The following ADGRA2 variants were observed in gnomAD, a reference collection of about 807,000 sequenced individuals.
ADGRA2 encodes G-protein coupled receptor 124.
A neutral mutation model predicts 98.7 loss-of-function variants in ADGRA2; 61 were observed. The ratio of observed to expected loss-of-function variants is 0.62; its 90% confidence interval spans 0.50 to 0.76. The LOEUF is 0.76. Among genes scored for constraint, ADGRA2 ranks in the 30% least tolerant of loss-of-function variants. The probability of loss-of-function intolerance (pLI) is 0.00; values close to 1 mark genes in which losing one functional copy is unlikely to be tolerated. For synonymous variants in ADGRA2, 858 were observed against 831.5 expected (o/e 1.03, Z -0.55); for missense variants, 1,712 against 1,860.0 (o/e 0.92, Z 1.46).
chr8:37,814,861 A>T lies in ADGRA2; in HGVS notation c.267-35A>T, dbSNP rs137900620. 4.7e-4 allele frequency: 721 copies of T among 1,530,932 alleles called. 5 individuals carry two copies. In the African/African-American group the frequency reaches 9.2e-3, roughly 19 times the overall value. 94.8% of individuals were successfully genotyped at this position (1,530,932 alleles called of 1,614,324 possible). ...AAGCGGATGCCCAGCACATAACAGCACCTTGTCCTGTCTGTGTCCTCTCTG... is the reference window on the plus strand; with the variant it reads ...AAGCGGATGCCCAGCACATAACAGCTCCTTGTCCTGTCTGTGTCCTCTCTG... On this transcript the variant is annotated intron_variant, in intron 1 of 18. Coordinates refer to ENST00000412232, the MANE Select transcript of ADGRA2 (RefSeq NM_032777.10). This position sits in a 1 kb window ranked among gnomAD's most constrained non-coding sequence, Gnocchi z 4.3.
chr8:37,835,115 C>A, intron 11 of ADGRA2, 59 bp from the exon 12 acceptor site: 1 of 1,232,422 alleles, frequency 8.1e-7, no homozygotes, highest in Non-Finnish European at 1.2e-6. Flanking sequence ...GAGAGATGTG[C>A]AGTCCCAAGC....
chr8:37,801,568 G>T (rs549895634), intron 1 of ADGRA2, among the ~76,000 whole-genome samples: 116 of 152,330 alleles, frequency 7.6e-4, no homozygotes, highest in Admixed American at 1.4e-3. Flanking sequence ...ACTGTTTGTA[G>T]ATAACTCCAG....
In ADGRA2 at chr8:37,834,169, G is replaced by T; in HGVS notation, c.1608+41G>T. 6.4e-7 allele frequency: 1 copy of T among 1,552,428 alleles called. No homozygotes were observed. Among genetic ancestry groups the T allele is most frequent in the Non-Finnish European group, 8.8e-7 (1 of 1,141,786 alleles). On this transcript the variant is annotated intron_variant, in intron 11 of 18. Transcript: ENST00000412232. This position sits in a 1 kb window ranked among gnomAD's most constrained non-coding sequence, Gnocchi z 4.2. ...AGAGGGGGTGGCCCTGGCATGCAGA[G>T]GAGGGAGGCGCTCCCTCTCAGGCGT...
In ADGRA2 at chr8:37,844,410, G is replaced by A. The variant is rs1805909184; in HGVS notation, c.*2055G>A. On this transcript the variant is annotated 3_prime_UTR_variant, in exon 19 of 19. Transcript: ENST00000412232. ...CAAGAAAAGCAATACCTACGGACTG[G>A]TGTACACTTCCATCCTTGGTTATAA... is the stretch of plus-strand genomic sequence containing the variant. 1.3e-6 allele frequency: 2 copies of A among 1,543,200 alleles called. No homozygotes were observed. The highest frequency in any genetic ancestry group is 1.8e-6 in the Non-Finnish European group (2 of 1,135,408).
chr8:37,825,244 C>T (rs1487415210), intron 2 of ADGRA2, among the ~76,000 whole-genome samples: 1 of 151,950 alleles, frequency 6.6e-6, no homozygotes, highest in Non-Finnish European at 1.5e-5. Flanking sequence ...CAGCAAAGGA[C>T]TTCTGTCATT....
chr8:37,827,597 C>T (rs1585394012), intron 2 of ADGRA2, among the ~76,000 whole-genome samples: 2 of 152,352 alleles, frequency 1.3e-5, no homozygotes, highest in Middle Eastern at 6.8e-3. Context: ...GGGTCACAGC[C>T]CCCTTCTGTC....
intron 5 of ADGRA2, 33 bp downstream of exon 5, chr8:37,829,592 C>T (rs1805393612): frequency 1.4e-6 from 2 of 1,470,614 alleles, no homozygotes; most frequent in Admixed American, 1.7e-5. Context: ...AGGACCCAGA[C>T]CCCTGTCCCT....
In ADGRA2 at chr8:37,844,488, C is replaced by T; in HGVS notation, c.*2133C>T. 6.2e-7 allele frequency: 1 copy of T among 1,611,702 alleles called. No individual in the cohort carries two copies. Among genetic ancestry groups the T allele is most frequent in the Non-Finnish European group, 8.5e-7 (1 of 1,179,184 alleles). On this transcript the variant is annotated 3_prime_UTR_variant, in exon 19 of 19. Transcript: ENST00000412232. Reference sequence around the variant, plus strand: ...GGATGAAGTGCTCCCAGTGGATATCCATCAGGGAGGGTTAGGGACACTCGT... The same window carrying T: ...GGATGAAGTGCTCCCAGTGGATATCTATCAGGGAGGGTTAGGGACACTCGT...
intron 2 of ADGRA2, among the ~76,000 whole-genome samples, chr8:37,826,453 G>C (rs988751198): frequency 1.3e-5 from 2 of 152,182 alleles, no homozygotes; most frequent in Non-Finnish European, 2.9e-5. Flanking sequence ...CGCCTCACTG[G>C]GGGGCACCTC....
At chr8:37,826,160 T>C (rs1180237999) in intron 2 of ADGRA2, among the ~76,000 whole-genome samples, 2 of 152,162 alleles carry the variant, frequency 1.3e-5, no homozygotes, top group East Asian at 3.9e-4. Flanking sequence ...CTAAGCCCCT[T>C]GGCAGCCCAT....
chr8:37,839,435 C>G, intron 15 of ADGRA2, 64 bp from the exon 16 acceptor site: 2 of 1,599,442 alleles, frequency 1.3e-6, no homozygotes, highest in Non-Finnish European at 1.7e-6. Flanking sequence ...TCCCAGTGGC[C>G]TTGAGACCCC....
intron 1 of ADGRA2, among the ~76,000 whole-genome samples, chr8:37,806,526 C>CGTTTTTTTTTTTTTTTT: frequency 1.0e-5 from 1 of 100,356 alleles, no homozygotes; most frequent in Non-Finnish European, 1.9e-5. Context: ...TTTTCTTTTT[C>CGTTTTTTTTTTTTTTTT]TTTTTTTTTT....
rs1393228632 is a variant in ADGRA2 at position 37,802,278 on chromosome 8, G to A, written c.266+4744G>A. Among the ~76,000 whole-genome samples the A allele has an allele frequency of 1.3e-5, 2 of 152,194 alleles. No individual in the cohort carries two copies. The highest frequency in any genetic ancestry group is 2.4e-5 in the African/African-American group (1 of 41,448). On this transcript the variant is annotated intron_variant, in intron 1 of 18. Coordinates refer to ENST00000412232, the MANE Select transcript of ADGRA2 (RefSeq NM_032777.10). This position sits in a 1 kb window ranked among gnomAD's most constrained non-coding sequence, Gnocchi z 4.7. ...GTGCCAAGCGTCGTGCACATGGCCC[G>A]AGGGCAGGACAAGGATGCTGGTGGA... is the stretch of plus-strand genomic sequence containing the variant.
rs763891049 is a variant in ADGRA2, at chr8:37,842,292, C to T, written c.3954C>T (p.Gly1318=). 2.6e-6 allele frequency: 4 copies of T among 1,563,482 alleles called. No homozygotes were observed. Among genetic ancestry groups the T allele is most frequent in the African/African-American group, 1.4e-5 (1 of 71,776 alleles). Residue 1318 remains glycine, a synonymous_variant, in exon 19 of 19, where the codon GGC becomes GGT. Transcript: ENST00000412232. The part of the protein sequence containing the change: ...GGKYDDVTLM[G]AEVASGGCMK... The stretch of plus-strand genomic sequence containing the variant: ...AGTACGACGACGTCACCCTGATGGG[C>T]GCGGAGGTAGCCAGCGGCGGCTGCA...
chr8:37,821,186 G>A (rs1481295923), intron 2 of ADGRA2, among the ~76,000 whole-genome samples: 3 of 152,166 alleles, frequency 2.0e-5, no homozygotes, highest in African/African-American at 7.2e-5. Flanking sequence ...AAAGCAGCCT[G>A]GAGTGGAATC....
At chr8:37,812,876 G>C (rs1040646048) in intron 1 of ADGRA2, among the ~76,000 whole-genome samples, 7 of 151,596 alleles carry the variant, frequency 4.6e-5, no homozygotes, top group African/African-American at 1.7e-4. Context: ...ATTTCGTAGA[G>C]ACAGAGTTTC....
Position 37,844,422 on chromosome 8 carries a change from A to G in ADGRA2, c.*2067A>G, listed in dbSNP as rs2130084345. The G allele has an allele frequency of 8.9e-6, 14 of 1,567,702 alleles. No homozygotes were observed. Among genetic ancestry groups the G allele is most frequent in the Non-Finnish European group, 1.2e-5 (14 of 1,153,800 alleles). ...TACCTACGGACTGGTGTACACTTCCATCCTTGGTTATAACAGGAATGTTAT... is the reference window on the plus strand; with the variant it reads ...TACCTACGGACTGGTGTACACTTCCGTCCTTGGTTATAACAGGAATGTTAT... On this transcript the variant is annotated 3_prime_UTR_variant, in exon 19 of 19. Transcript: ENST00000412232.
chr8:37,828,987 A>AC, intron 3 of ADGRA2, 28 bp downstream of exon 3: 1 of 1,264,152 alleles, frequency 7.9e-7, no homozygotes. Flanking sequence ...CCCTGACCCC[A>AC]CCCCTCCCCT....
Position 37,833,073 on chromosome 8 carries a change from A to C in ADGRA2, c.1161A>C (p.Ser387=). Residue 387 remains serine (S), a synonymous_variant, in exon 9 of 19, where the codon TCA becomes TCC. Coordinates refer to ENST00000412232, the MANE Select transcript of ADGRA2 (RefSeq NM_032777.10). ...CCTGCCTGCAGTATCCCTTCACCTC[A>C]GTGCCCCTGGGCGGGGGTGCCCCGG... The part of the protein sequence containing the change: ...YQSCLQYPFT[S]VPLGGGAPGT... 6.2e-7 allele frequency: 1 copy of C among 1,613,050 alleles called. No homozygotes were observed. The highest frequency in any genetic ancestry group is 2.2e-5 in the East Asian group (1 of 44,874).
Sources: gnomAD v4.1 joint callset for allele counts (sites outside exome capture counted in the v4.1 genomes callset) on GRCh38, gnomAD v4.1.1 for gene constraint, Gnocchi (gnomAD v3.1) non-coding constraint, MANE v1.5 for transcripts, NCBI Gene and HGNC (gene_info 2026-07-23, HGNC 2026-07-21) for gene names.